The following OSBP2 variants were observed in gnomAD, a reference collection of about 807,000 sequenced individuals.
The protein encoded by OSBP2 is oxysterol binding protein 2, also known as oxysterol-binding protein 2.
A neutral mutation model predicts 96.0 loss-of-function variants in OSBP2; 66 were observed. That is an observed-to-expected ratio of 0.69 (90% CI 0.56 to 0.84). The LOEUF (loss-of-function observed/expected upper bound fraction) is 0.84. OSBP2 is among the 40% of genes least tolerant of loss of function. The pLI is 0.00. For synonymous variants in OSBP2, 525 were observed against 520.9 expected (o/e 1.01, Z -0.11); for missense variants, 1,038 against 1,222.7 (o/e 0.85, Z 2.25).
intron 1 of OSBP2, among the ~76,000 whole-genome samples, chr22:30,738,574 C>A (rs911264440): frequency 4.9e-5 from 7 of 143,648 alleles, no homozygotes; most frequent in African/African-American, 7.7e-5. Flanking sequence ...TTTTTTTTTT[C>A]TTTGAGACGG....
chr22:30,729,396 G>T (rs995353855), intron 1 of OSBP2, among the ~76,000 whole-genome samples: 5 of 152,162 alleles, frequency 3.3e-5, no homozygotes, highest in Admixed American at 6.5e-5. Flanking sequence ...CCAGCACTTT[G>T]GGAGGCCAAG....
chr22:30,764,525 G>C (rs2145778380), intron 2 of OSBP2: 1 of 368,150 alleles, frequency 2.7e-6, no homozygotes, highest in African/African-American at 2.2e-5. Flanking sequence ...TGTGTGCCTG[G>C]GGATGCAAGT....
At chr22:30,905,777 C>T (rs1267538505) in intron 12 of OSBP2, 60 bp from the exon 13 acceptor site, 7 of 1,593,980 alleles carry the variant, frequency 4.4e-6, no homozygotes, top group Middle Eastern at 1.7e-4. Context: ...GGAGGGCGGC[C>T]GGGTAGGTGT....
At chr22:30,707,727 A>G (rs1338782161) in intron 1 of OSBP2, among the ~76,000 whole-genome samples, 3 of 151,728 alleles carry the variant, frequency 2.0e-5, no homozygotes, top group South Asian at 2.1e-4. Flanking sequence ...AAAAAAAAAA[A>G]AAAGAAAATG....
intron 2 of OSBP2, among the ~76,000 whole-genome samples, chr22:30,771,800 G>T (rs963500911): frequency 3.9e-5 from 6 of 152,222 alleles, no homozygotes; most frequent in Non-Finnish European, 7.3e-5. Flanking sequence ...GCTTGAAGGT[G>T]GGAAGGGCTC....
At chr22:30,904,607 T>C (rs756059209) in intron 12 of OSBP2, among the ~76,000 whole-genome samples, 3 of 151,934 alleles carry the variant, frequency 2.0e-5, no homozygotes, top group Admixed American at 2.0e-4. Context: ...TATATATATA[T>C]ATATACACAC....
intron 2 of OSBP2, among the ~76,000 whole-genome samples, chr22:30,842,308 C>CAA (rs2038769639): frequency 6.6e-6 from 1 of 152,058 alleles, no homozygotes; most frequent in Non-Finnish European, 1.5e-5. Flanking sequence ...AAAAACAAAA[C>CAA]AAAACAAACC....
chr22:30,840,937 G>A (rs974747442), intron 2 of OSBP2, among the ~76,000 whole-genome samples: 5 of 152,052 alleles, frequency 3.3e-5, no homozygotes, highest in Non-Finnish European at 7.4e-5. Context: ...GGCCCAGGCA[G>A]GTGGATCACT....
chr22:30,803,921 A>G (rs1376340433), intron 2 of OSBP2, among the ~76,000 whole-genome samples: 2 of 152,146 alleles, frequency 1.3e-5, no homozygotes, highest in Non-Finnish European at 2.9e-5. Context: ...CCTCTGAGTA[A>G]GCAGTTCAGG....
At chr22:30,858,343 T>C (rs1324066549) in intron 2 of OSBP2, among the ~76,000 whole-genome samples, 1 of 150,676 alleles carries the variant, frequency 6.6e-6, no homozygotes, top group Non-Finnish European at 1.5e-5. Context: ...AGACGGGGTT[T>C]CACCTTGTTA....
chr22:30,738,938 C>G (rs574847425), intron 1 of OSBP2, among the ~76,000 whole-genome samples: 8 of 152,306 alleles, frequency 5.3e-5, no homozygotes, highest in African/African-American at 1.7e-4. Flanking sequence ...AGATGATGAA[C>G]AGCCAGGGAA....
intron 2 of OSBP2, among the ~76,000 whole-genome samples, chr22:30,817,568 C>A (rs1371048566): frequency 2.0e-5 from 3 of 152,160 alleles, no homozygotes; most frequent in African/African-American, 7.2e-5. Flanking sequence ...ACCAGCAATG[C>A]AGACAGAAGG....
chr22:30,735,715 T>G lies in OSBP2; in HGVS notation c.645-5446T>G, dbSNP rs2089843769. On this transcript the variant is annotated intron_variant, in intron 1 of 13. Transcript: ENST00000332585. Reference sequence around the variant, plus strand: ...TGGCTGAAGCGATTCTTCTTCTTCTTCTTCTTCTTTTTTTCTTTTAGAGAC... The same window carrying G: ...TGGCTGAAGCGATTCTTCTTCTTCTGCTTCTTCTTTTTTTCTTTTAGAGAC... Among the ~76,000 whole-genome samples the G allele has an allele frequency of 2.6e-5, 4 of 151,948 alleles. 1 individual carries two copies. In the South Asian group the frequency reaches 8.3e-4, roughly 31 times the overall value.
intron 4 of OSBP2, 78 bp downstream of exon 4, chr22:30,887,696 C>A: frequency 8.0e-7 from 1 of 1,245,328 alleles, no homozygotes; most frequent in Non-Finnish European, 1.1e-6. Flanking sequence ...TGCGCCCCCA[C>A]ATGCACATCC....
chr22:30,737,911 A>C (rs1457115813), intron 1 of OSBP2, among the ~76,000 whole-genome samples: 1 of 151,628 alleles, frequency 6.6e-6, no homozygotes, highest in Non-Finnish European at 1.5e-5. Flanking sequence ...ACGGGGTTTC[A>C]CTATGTTGGC....
At chr22:30,803,417 A>G (rs1197362998) in intron 2 of OSBP2, among the ~76,000 whole-genome samples, 1 of 152,192 alleles carries the variant, frequency 6.6e-6, no homozygotes, top group African/African-American at 2.4e-5. Context: ...GACAGTCACA[A>G]GGCATGTCCT....
At chr22:30,703,597 T>G (rs2089197813) in intron 1 of OSBP2, among the ~76,000 whole-genome samples, 1 of 151,998 alleles carries the variant, frequency 6.6e-6, no homozygotes, top group South Asian at 2.1e-4. Flanking sequence ...TGTCTTAGTC[T>G]CCCAAGTAGC....
chr22:30,695,171 T>A lies in OSBP2; in HGVS notation c.262T>A (p.Ser88Thr). The A allele has an allele frequency of 1.2e-6, 2 of 1,611,874 alleles. No individual in the cohort carries two copies. The highest frequency in any genetic ancestry group is 2.7e-5 in the African/African-American group (2 of 75,026). ...ATCGGAACCTGTGTCCGAGACGACG[T>A]CTGAGCCGGAGCCAGGGGCTGGGCA... ...PRSEPVSETTSEPEPGAGQPS... is the reference protein window; with the variant it reads ...PRSEPVSETTTEPEPGAGQPS... Residue 88 changes from serine to threonine, a missense_variant, in exon 1 of 14, where the codon TCT becomes ACT. Physicochemically the swap from Ser to Thr is moderately conservative, Grantham distance 58. This residue lies in a region of OSBP2 where 281 missense variants were observed against 273.4 expected (regional missense o/e 1.03). Transcript: ENST00000332585.
At chr22:30,793,839 C>T (rs2090715618) in intron 2 of OSBP2, among the ~76,000 whole-genome samples, 1 of 152,106 alleles carries the variant, frequency 6.6e-6, no homozygotes, top group African/African-American at 2.4e-5. Flanking sequence ...AAGACCCTAT[C>T]TCTAAGAAAA....
Sources: gnomAD v4.1 joint callset for allele counts (sites outside exome capture counted in the v4.1 genomes callset) on GRCh38, gnomAD v4.1.1 for gene constraint, gnomAD v4.1.1 regional missense constraint, MANE v1.5 for transcripts, NCBI Gene and HGNC (gene_info 2026-07-23, HGNC 2026-07-21) for gene names.